The following HS6ST3 variants were observed in gnomAD, a reference collection of about 807,000 sequenced individuals.
HS6ST3 encodes heparan sulfate 6-O-sulfotransferase 3.
Under a neutral mutation model 36.7 loss-of-function variants are expected in HS6ST3, and 12 were observed. The observed-to-expected ratio is 0.33, with a 90% confidence interval of 0.21 to 0.53. The LOEUF (loss-of-function observed/expected upper bound fraction) is 0.53. HS6ST3 is among the 20% of genes least tolerant of loss of function. The pLI is 0.95. For missense variants in HS6ST3, 584 were observed against 640.9 expected (o/e 0.91, Z 0.96); for synonymous variants, 240 against 257.5 (o/e 0.93, Z 0.65).
intron 1 of HS6ST3, among the ~76,000 whole-genome samples, chr13:96,679,874 GC>G (rs1174363702): frequency 6.6e-6 from 1 of 152,118 alleles, no homozygotes; most frequent in East Asian, 1.9e-4. Context: ...AAGAGACTTG[GC>G]CCCGGTCTTA....
At chr13:96,273,626 A>G (rs1273358863) in intron 1 of HS6ST3, among the ~76,000 whole-genome samples, 1 of 152,020 alleles carries the variant, frequency 6.6e-6, no homozygotes. Flanking sequence ...TAGACTGATA[A>G]CTGGAGTCAC....
At chr13:96,407,543 GGT>G (rs2055484977) in intron 1 of HS6ST3, among the ~76,000 whole-genome samples, 1 of 152,184 alleles carries the variant, frequency 6.6e-6, no homozygotes, top group African/African-American at 2.4e-5. Flanking sequence ...TGGTTAGATA[GGT>G]TGTATTCACA....
chr13:96,740,942 C>T (rs1876422203), intron 1 of HS6ST3, among the ~76,000 whole-genome samples: 1 of 152,160 alleles, frequency 6.6e-6, no homozygotes, highest in Non-Finnish European at 1.5e-5. Context: ...CAGATAGCAG[C>T]ACGTAACTGT....
At chr13:96,796,339 A>G (rs1464925161) in intron 1 of HS6ST3, among the ~76,000 whole-genome samples, 1 of 152,108 alleles carries the variant, frequency 6.6e-6, no homozygotes, top group Non-Finnish European at 1.5e-5. Flanking sequence ...TTTAAAATGA[A>G]CCATACTGTC....
chr13:96,619,217 A>G (rs2056485263), intron 1 of HS6ST3, among the ~76,000 whole-genome samples: 1 of 152,200 alleles, frequency 6.6e-6, no homozygotes, highest in Non-Finnish European at 1.5e-5. Flanking sequence ...AGACTTAGCC[A>G]TGTGCCTCCT....
chr13:96,348,708 T>G (rs1379277535), intron 1 of HS6ST3, among the ~76,000 whole-genome samples: 7 of 152,194 alleles, frequency 4.6e-5, no homozygotes, highest in Non-Finnish European at 1.0e-4. Flanking sequence ...TAGCCCGGCT[T>G]CAGAGAGGTC....
chr13:96,422,590 T>G (rs920306610), intron 1 of HS6ST3, among the ~76,000 whole-genome samples: 2 of 152,216 alleles, frequency 1.3e-5, no homozygotes, highest in African/African-American at 4.8e-5. Flanking sequence ...CAATTGCCAC[T>G]ATGTGATAGG....
chr13:96,269,983 T>C (rs934472455), intron 1 of HS6ST3, among the ~76,000 whole-genome samples: 1 of 151,962 alleles, frequency 6.6e-6, no homozygotes, highest in Non-Finnish European at 1.5e-5. Context: ...CAACAAGACT[T>C]ATCAGAATGC....
At chr13:96,524,738 C>G (rs2056107250) in intron 1 of HS6ST3, among the ~76,000 whole-genome samples, 3 of 152,192 alleles carry the variant, frequency 2.0e-5, no homozygotes, top group Non-Finnish European at 4.4e-5. Flanking sequence ...CAGGAGTGTA[C>G]CGTTCCTCCA....
intron 1 of HS6ST3, among the ~76,000 whole-genome samples, chr13:96,386,805 G>T (rs1370435103): frequency 6.6e-6 from 1 of 152,210 alleles, no homozygotes; most frequent in African/African-American, 2.4e-5. Flanking sequence ...GGCAGAGGTT[G>T]CAGTGAGCTG....
chr13:96,376,395 G>A (rs1432264287), intron 1 of HS6ST3, among the ~76,000 whole-genome samples: 1 of 152,160 alleles, frequency 6.6e-6, no homozygotes, highest in Non-Finnish European at 1.5e-5. Flanking sequence ...TGTCTTTCAT[G>A]TCAAACAGTC....
intron 1 of HS6ST3, among the ~76,000 whole-genome samples, chr13:96,717,170 T>C (rs1186119281): frequency 1.3e-5 from 2 of 152,256 alleles, no homozygotes; most frequent in East Asian, 3.9e-4. Flanking sequence ...CTGAAAGGGA[T>C]GTAGTCAAGA....
At chr13:96,415,100 G>A (rs1015671051) in intron 1 of HS6ST3, among the ~76,000 whole-genome samples, 17 of 152,270 alleles carry the variant, frequency 1.1e-4, no homozygotes, top group East Asian at 9.6e-4. Flanking sequence ...TTCATGCTTG[G>A]ACATTACTGC....
At chr13:96,227,641 AT>A (rs2054487286) in intron 1 of HS6ST3, among the ~76,000 whole-genome samples, 2 of 152,216 alleles carry the variant, frequency 1.3e-5, no homozygotes, top group Non-Finnish European at 2.9e-5. Flanking sequence ...AAAATGATTA[AT>A]TAGACAAGAA....
intron 1 of HS6ST3, among the ~76,000 whole-genome samples, chr13:96,612,102 G>A (rs1279560836): frequency 2.6e-5 from 4 of 152,144 alleles, no homozygotes; most frequent in Admixed American, 2.6e-4. Context: ...ACCTGCTAGG[G>A]GAGATATGGT....
intron 1 of HS6ST3, among the ~76,000 whole-genome samples, chr13:96,726,113 G>A (rs1286988757): frequency 6.6e-6 from 1 of 152,148 alleles, no homozygotes; most frequent in African/African-American, 2.4e-5. Context: ...TGGGATTACA[G>A]GTGTGAGCCA....
intron 1 of HS6ST3, among the ~76,000 whole-genome samples, chr13:96,386,463 G>A (rs1457415742): frequency 6.6e-6 from 1 of 151,624 alleles, no homozygotes; most frequent in African/African-American, 2.4e-5. Context: ...ACTTTTTTTT[G>A]TTCTTTTCCC....
intron 1 of HS6ST3, among the ~76,000 whole-genome samples, chr13:96,483,779 A>T (rs1203178883): frequency 1.3e-5 from 2 of 152,156 alleles, no homozygotes; most frequent in African/African-American, 4.8e-5. Context: ...CAAGGAAGTC[A>T]TTATGGTTAG....
At chr13:96,693,139 G>A (rs959412655) in intron 1 of HS6ST3, among the ~76,000 whole-genome samples, 14 of 152,146 alleles carry the variant, frequency 9.2e-5, no homozygotes, top group African/African-American at 2.2e-4. Context: ...TAAGGCTACC[G>A]TCTCTATAGG....
Sources: allele counts gnomAD v4.1 joint callset (sites outside exome capture counted in the v4.1 genomes callset), GRCh38; gene constraint gnomAD v4.1.1; transcripts MANE v1.5; gene names NCBI Gene and HGNC (gene_info 2026-07-23, HGNC 2026-07-21).